The following NFASC variants were observed in gnomAD, a reference collection of about 807,000 sequenced individuals.
NFASC encodes neurofascin homolog.
Under a neutral mutation model 147.5 loss-of-function variants are expected in NFASC, and 43 were observed. That is an observed-to-expected ratio of 0.29 (90% confidence interval 0.23 to 0.38). NFASC has a LOEUF of 0.38. Among genes scored for constraint, NFASC ranks in the 10% least tolerant of loss-of-function variants. The pLI, the probability that NFASC is intolerant of heterozygous loss-of-function variation, is 1.00. For missense variants in NFASC, 1,320 were observed against 1,689.0 expected (o/e 0.78, Z 3.83); for synonymous variants, 622 against 665.5 (o/e 0.93, Z 1.01).
chr1:204,854,870 A>G (rs1033002639), intron 1 of NFASC, among the ~76,000 whole-genome samples: 8 of 152,246 alleles, frequency 5.3e-5, no homozygotes, highest in African/African-American at 1.9e-4. Flanking sequence ...TCCAGACCCA[A>G]TACCATCAGA....
At chr1:204,957,575 A>C in intron 7 of NFASC, 81 bp from the exon 8 acceptor site, 1 of 1,367,298 alleles carries the variant, frequency 7.3e-7, no homozygotes, top group Non-Finnish European at 1.0e-6. Flanking sequence ...CCCTCTGTAA[A>C]GTGTTCTGTC....
intron 1 of NFASC, among the ~76,000 whole-genome samples, chr1:204,850,434 C>T (rs2075569243): frequency 6.6e-6 from 1 of 152,212 alleles, no homozygotes; most frequent in African/African-American, 2.4e-5. Context: ...CTGCTGAACA[C>T]TGCCAACTGC....
rs114446282 is a variant in NFASC, at chr1:204,973,827, G to A, written c.1280-352G>A. 3.1e-3 allele frequency among the ~76,000 whole-genome samples: 468 copies of A among 152,256 alleles called. 2 individuals carry two copies. Among genetic ancestry groups the A allele is most frequent in the Non-Finnish European group, 5.3e-3 (363 of 68,012 alleles). Reference sequence around the variant, plus strand: ...CAGCTGGATCTCACGGTGGGAAATGGTTCTGAGTATATTTGCTGTACCCGC... The same window carrying A: ...CAGCTGGATCTCACGGTGGGAAATGATTCTGAGTATATTTGCTGTACCCGC... On this transcript the variant is annotated intron_variant, in intron 12 of 29. Coordinates refer to ENST00000339876, the MANE Select transcript of NFASC (RefSeq NM_001005388.3).
At chr1:205,002,437 G>A (rs1424878286) in intron 26 of NFASC, among the ~76,000 whole-genome samples, 159 bp from the exon 27 acceptor site, 2 of 152,188 alleles carry the variant, frequency 1.3e-5, no homozygotes, top group Admixed American at 6.5e-5. Context: ...GCATAGGGAA[G>A]CTGCCTGGAA....
chr1:204,905,647 T>C (rs2085687478), intron 1 of NFASC, among the ~76,000 whole-genome samples: 1 of 152,270 alleles, frequency 6.6e-6, no homozygotes, highest in African/African-American at 2.4e-5. Flanking sequence ...TTCTATGTAA[T>C]ATTTCATTGT....
At chr1:204,896,754 A>C (rs1558018601) in intron 1 of NFASC, among the ~76,000 whole-genome samples, 1 of 152,214 alleles carries the variant, frequency 6.6e-6, no homozygotes, top group African/African-American at 2.4e-5. Context: ...CATATAAAAA[A>C]ATTATTATTA....
intron 1 of NFASC, among the ~76,000 whole-genome samples, chr1:204,878,305 A>T (rs2079443816): frequency 6.6e-6 from 1 of 151,136 alleles, no homozygotes; most frequent in South Asian, 2.1e-4. Context: ...CTTGTCCAAG[A>T]TCACAAAAGC....
chr1:204,971,257 G>A (rs1316386333), intron 11 of NFASC, among the ~76,000 whole-genome samples: 1 of 152,220 alleles, frequency 6.6e-6, no homozygotes, highest in Admixed American at 6.5e-5. Context: ...AAGAGCAGAT[G>A]TACAAGTGCA....
At chr1:204,941,566 C>G (rs1573435361) in intron 2 of NFASC, among the ~76,000 whole-genome samples, 2 of 152,164 alleles carry the variant, frequency 1.3e-5, no homozygotes, top group East Asian at 3.9e-4. Flanking sequence ...TCCCTGCTGC[C>G]CCTGCTGTGC....
chr1:205,001,110 T>A, intron 25 of NFASC, 60 bp from the exon 26 acceptor site: 1 of 960,308 alleles, frequency 1.0e-6, no homozygotes. Context: ...TGTGTGTGTC[T>A]CCATATCTCT....
intron 24 of NFASC, among the ~76,000 whole-genome samples, chr1:204,995,013 A>G (rs2095816691): frequency 6.6e-6 from 1 of 151,890 alleles, no homozygotes; most frequent in Non-Finnish European, 1.5e-5. Flanking sequence ...CCAGCTACTC[A>G]GGAGGCTGAG....
intron 8 of NFASC, chr1:204,967,953 C>T: frequency 3.2e-6 from 1 of 316,620 alleles, no homozygotes; most frequent in Non-Finnish European, 6.0e-6. Flanking sequence ...TCGCACTGCT[C>T]AGACAGCCCC....
chr1:204,851,126 T>C (rs1473549535), intron 1 of NFASC, among the ~76,000 whole-genome samples: 1 of 152,230 alleles, frequency 6.6e-6, no homozygotes, highest in East Asian at 1.9e-4. Flanking sequence ...GAAGTGCATG[T>C]AAATCAGTCT....
At chr1:204,951,922 T>A (rs2094151166) in intron 4 of NFASC, 89 bp from the exon 5 acceptor site, 1 of 1,044,484 alleles carries the variant, frequency 9.6e-7, no homozygotes, top group Non-Finnish European at 1.5e-6. Context: ...CATGTGTGGC[T>A]TCTGAAGCTC....
At chr1:204,925,657 C>A (rs2091363187) in intron 2 of NFASC, among the ~76,000 whole-genome samples, 1 of 152,252 alleles carries the variant, frequency 6.6e-6, no homozygotes, top group Admixed American at 6.5e-5. Flanking sequence ...ACCCAAGTTT[C>A]TTCTGCTACA....
intron 3 of NFASC, among the ~76,000 whole-genome samples, chr1:204,950,023 C>T (rs1404784959): frequency 6.6e-6 from 1 of 152,204 alleles, no homozygotes; most frequent in Non-Finnish European, 1.5e-5. Flanking sequence ...CTAGAGTCTT[C>T]CATAGGATGG....
rs770503864 is a variant in NFASC at position 204,957,667 on chromosome 1, A to G, written c.547A>G (p.Ile183Val). Residue 183 changes from isoleucine to valine, a missense_variant, in exon 8 of 30, where the codon ATC becomes GTC. Ile to Val is a conservative substitution (Grantham distance 29, BLOSUM62 3). Coordinates refer to ENST00000339876, the MANE Select transcript of NFASC (RefSeq NM_001005388.3). ...IFWMSSSMEP[I>V]TQDKRVSQGH... is the part of the protein sequence containing the mutation. ...CTGCTTTCTTATAGCCATGGAGCCC[A>G]TCACCCAAGACAAACGTGTCTCTCA... 5.6e-6 allele frequency: 9 copies of G among 1,614,026 alleles called. No homozygotes were observed. The highest frequency in any genetic ancestry group is 7.6e-6 in the Non-Finnish European group (9 of 1,180,016).
In NFASC at chr1:205,001,300, TG is replaced by T; in HGVS notation, c.3136+15del. On this transcript the variant is annotated intron_variant, in intron 26 of 29. Coordinates refer to ENST00000339876, the MANE Select transcript of NFASC (RefSeq NM_001005388.3). ...AGTACATCGACAGTAAGCATTGCTG[TG>T]CGGGGTGGTGGTGGCGGCAGCGGCG... 1 of 1,562,446 alleles carries T rather than the reference TG, an allele frequency of 6.4e-7. No homozygotes were observed. Among genetic ancestry groups the T allele is most frequent in the Non-Finnish European group, 8.8e-7 (1 of 1,137,324 alleles).
In NFASC at chr1:205,010,909, G is replaced by C. The variant is rs888107966; in HGVS notation, c.3421+1221G>C. The C allele has an allele frequency of 4.2e-5, 5 of 120,216 alleles. No individual in the cohort carries two copies. The highest frequency in any genetic ancestry group is 1.4e-4 in the African/African-American group (5 of 35,554). 7.4% of individuals were successfully genotyped at this position (120,216 alleles called of 1,614,324 possible). ...CAGAGCAAGACTCCGTCTCAAAAAA[G>C]GAAAAAAAAAAAAAAAGATCCTGCA... On this transcript the variant is annotated intron_variant, in intron 28 of 29. Transcript: ENST00000339876. The surrounding 1 kb of genome is among the most constrained non-coding windows in gnomAD (Gnocchi z 4.1).
Sources: allele counts gnomAD v4.1 joint callset (sites outside exome capture counted in the v4.1 genomes callset), GRCh38; gene constraint gnomAD v4.1.1; non-coding constraint Gnocchi (gnomAD v3.1); transcripts MANE v1.5; gene names NCBI Gene and HGNC (gene_info 2026-07-23, HGNC 2026-07-21).